Variants in EEPD1 observed in about 807,000 individuals in gnomAD.
The protein encoded by EEPD1 is endonuclease/exonuclease/phosphatase family domain-containing protein 1.
EEPD1 carries 17 observed loss-of-function variants against 46.3 expected under a neutral mutation model. The ratio of observed to expected loss-of-function variants is 0.37; its 90% CI spans 0.25 to 0.55. EEPD1 has a LOEUF of 0.55. Ranked by LOEUF, EEPD1 falls within the 20% of genes least tolerant of loss-of-function variation. The pLI is 0.83. For synonymous variants in EEPD1, 313 were observed against 315.6 expected (o/e 0.99, Z 0.09); for missense variants, 673 against 745.6 (o/e 0.90, Z 1.13).
intron 2 of EEPD1, among the ~76,000 whole-genome samples, chr7:36,172,462 T>C (rs917805100): frequency 1.3e-5 from 2 of 152,198 alleles, no homozygotes; most frequent in African/African-American, 4.8e-5. Flanking sequence ...GTGCCCCTTC[T>C]GCCGTACCTT....
chr7:36,154,897 C>G lies in EEPD1; in HGVS notation c.573C>G (p.Ile191Met). 6.2e-7 allele frequency: 1 copy of G among 1,614,114 alleles called. No homozygotes were observed. The highest frequency in any genetic ancestry group is 8.5e-7 in the Non-Finnish European group (1 of 1,180,020). ...TCAATGCCGCCTTCCTGGACAGGAT[C>G]CGGCACCAGGTGTTTGCTGAGAGGT... ...DGINAAFLDR[I>M]RHQVFAERSR... Residue 191 changes from isoleucine to methionine, a missense_variant, in exon 2 of 8, where the codon ATC (isoleucine) becomes ATG (methionine). Physicochemically the swap from Ile to Met is conservative, Grantham distance 10. Coordinates refer to ENST00000242108, the MANE Select transcript of EEPD1 (RefSeq NM_030636.3). The surrounding 1 kb of genome is among the most constrained non-coding windows in gnomAD (Gnocchi z 4.2).
At chr7:36,238,905 G>T (rs878957005) in intron 2 of EEPD1, 80 bp from the exon 3 acceptor site, 2 of 1,426,374 alleles carry the variant, frequency 1.4e-6, no homozygotes, top group Non-Finnish European at 9.5e-7. Flanking sequence ...TCAGCCTTTT[G>T]TTCTTGCGAC....
intron 2 of EEPD1, among the ~76,000 whole-genome samples, chr7:36,204,687 A>G (rs1216757245): frequency 6.6e-6 from 1 of 152,166 alleles, no homozygotes; most frequent in Non-Finnish European, 1.5e-5. Context: ...GACCGGGCTC[A>G]CCTGGGCTGC....
intron 3 of EEPD1, among the ~76,000 whole-genome samples, chr7:36,278,075 C>G (rs1787207727): frequency 6.6e-6 from 1 of 152,186 alleles, no homozygotes; most frequent in South Asian, 2.1e-4. Context: ...CTTCTAGGCC[C>G]CGCCCCTGAG....
intron 2 of EEPD1, among the ~76,000 whole-genome samples, chr7:36,163,825 C>T (rs1254613869): frequency 6.6e-6 from 1 of 150,732 alleles, no homozygotes; most frequent in African/African-American, 2.4e-5. Context: ...TTGCAGTGAG[C>T]CGAGATCATG....
At chr7:36,252,472 T>C (rs1786764659) in intron 3 of EEPD1, among the ~76,000 whole-genome samples, 1 of 152,226 alleles carries the variant, frequency 6.6e-6, no homozygotes, top group Non-Finnish European at 1.5e-5. Flanking sequence ...AAGCATAGTG[T>C]GGCCATGCTA....
chr7:36,190,509 A>C (rs935577020), intron 2 of EEPD1, among the ~76,000 whole-genome samples: 1 of 152,218 alleles, frequency 6.6e-6, no homozygotes, highest in Admixed American at 6.5e-5. Context: ...AATCCTGACC[A>C]AGAAACAGTC....
chr7:36,177,616 G>A (rs1785204656), intron 2 of EEPD1, among the ~76,000 whole-genome samples: 1 of 152,166 alleles, frequency 6.6e-6, no homozygotes, highest in South Asian at 2.1e-4. Context: ...TTATGGCTGT[G>A]TAGTATTCCA....
In EEPD1 at chr7:36,281,172, C is replaced by G; in HGVS notation, c.988C>G (p.Arg330Gly). Residue 330 changes from arginine (R) to glycine (G), a missense_variant, in exon 4 of 8, where the codon CGG (arginine) becomes GGG (glycine). By Grantham distance (125) the Arg-to-Gly change is moderately radical (BLOSUM62 -2). Transcript: ENST00000242108. ...CAACATCCGCAAGTGGAAGGGGCCC[C>G]GGGGATGCTGGAAGGCTGTTGTTGC... ...LPNIRKWKGP[R>G]GCWKAVVAEK... 3 of 1,614,134 alleles carry G rather than the reference C, an allele frequency of 1.9e-6. No individual in the cohort carries two copies. The highest frequency in any genetic ancestry group is 1.1e-5 in the South Asian group (1 of 91,086).
chr7:36,173,568 TC>T, intron 2 of EEPD1, among the ~76,000 whole-genome samples: 2 of 152,010 alleles, frequency 1.3e-5, no homozygotes, highest in Non-Finnish European at 2.9e-5. Flanking sequence ...AGACCTGCCT[TC>T]CTCCCCTTCC....
chr7:36,197,867 G>A (rs1398431165), intron 2 of EEPD1, among the ~76,000 whole-genome samples: 4 of 148,888 alleles, frequency 2.7e-5, no homozygotes, highest in African/African-American at 1.0e-4. Context: ...CCCCCTCTGC[G>A]AGAAACACCC....
At chr7:36,195,125 G>C (rs930856171) in intron 2 of EEPD1, among the ~76,000 whole-genome samples, 1 of 152,220 alleles carries the variant, frequency 6.6e-6, no homozygotes, top group African/African-American at 2.4e-5. Flanking sequence ...GGAGAGGCAG[G>C]GCGCCCTTCT....
chr7:36,226,590 C>T (rs1279308051), intron 2 of EEPD1, among the ~76,000 whole-genome samples: 8 of 152,140 alleles, frequency 5.3e-5, no homozygotes, highest in Admixed American at 5.2e-4. Flanking sequence ...AAAGTAGACC[C>T]AAAAGAGTCT....
At chr7:36,234,929 C>A (rs1004207713) in intron 2 of EEPD1, among the ~76,000 whole-genome samples, 7 of 148,420 alleles carry the variant, frequency 4.7e-5, no homozygotes, top group Non-Finnish European at 1.1e-4. Flanking sequence ...CCAGCCCAGG[C>A]CTCCCCCATG....
At chr7:36,222,873 A>G (rs943727702) in intron 2 of EEPD1, among the ~76,000 whole-genome samples, 72 of 152,258 alleles carry the variant, frequency 4.7e-4, no homozygotes, top group African/African-American at 1.7e-3. Flanking sequence ...ATTAAATTTC[A>G]ACACAGGTGG....
In EEPD1 at chr7:36,300,833, C is replaced by G. The variant is rs1787610698; in HGVS notation, c.*1627C>G. On this transcript the variant is annotated 3_prime_UTR_variant, in exon 8 of 8. Coordinates refer to ENST00000242108, the MANE Select transcript of EEPD1 (RefSeq NM_030636.3). ...ATCAATTGTGTCCATTCTGAGGTCTCTCCAGTGGGAGGGCGGCAGCTCCTG... is the reference window on the plus strand; with the variant it reads ...ATCAATTGTGTCCATTCTGAGGTCTGTCCAGTGGGAGGGCGGCAGCTCCTG... 1 of 152,272 alleles carries G rather than the reference C, an allele frequency of 6.6e-6. No homozygotes were observed. The highest frequency in any genetic ancestry group is 2.1e-4 in the South Asian group (1 of 4,834). 9.4% of individuals were successfully genotyped at this position (152,272 alleles called of 1,614,324 possible).
At chr7:36,269,336 G>A (rs1418650947) in intron 3 of EEPD1, among the ~76,000 whole-genome samples, 1 of 152,196 alleles carries the variant, frequency 6.6e-6, no homozygotes, top group Non-Finnish European at 1.5e-5. Flanking sequence ...GAAGACTCTT[G>A]TCTTGTGTCA....
intron 2 of EEPD1, among the ~76,000 whole-genome samples, chr7:36,221,251 A>G (rs1400467125): frequency 6.6e-6 from 1 of 152,222 alleles, no homozygotes; most frequent in Non-Finnish European, 1.5e-5. Context: ...TCTGTTCCGT[A>G]TCATCTTTTA....
chr7:36,267,927 T>G (rs1787048277), intron 3 of EEPD1, among the ~76,000 whole-genome samples: 1 of 152,256 alleles, frequency 6.6e-6, no homozygotes, highest in South Asian at 2.1e-4. Context: ...TTCTCTGCCA[T>G]GCGAGGACAC....
Sources: allele counts gnomAD v4.1 joint callset (sites outside exome capture counted in the v4.1 genomes callset), GRCh38; gene constraint gnomAD v4.1.1; non-coding constraint Gnocchi (gnomAD v3.1); transcripts MANE v1.5; gene names NCBI Gene and HGNC (gene_info 2026-07-23, HGNC 2026-07-21).